The following ZZEF1 variants were observed in gnomAD, a reference collection of about 807,000 sequenced individuals.
The protein encoded by ZZEF1 is zinc finger ZZ-type and EF-hand domain containing 1.
A neutral mutation model predicts 342.8 loss-of-function variants in ZZEF1; 157 were observed. The observed-to-expected ratio is 0.46, with a 90% CI of 0.40 to 0.52. The LOEUF is 0.52. ZZEF1 is among the 20% of genes least tolerant of loss of function. The probability of loss-of-function intolerance (pLI) is 0.00; values close to 1 mark genes in which losing one functional copy is unlikely to be tolerated. For synonymous variants in ZZEF1, 1,505 were observed against 1,429.1 expected, an observed-to-expected ratio of 1.05 and a Z score of -1.20; for missense variants, 3,480 against 3,725.6, an observed-to-expected ratio of 0.93 and a Z score of 1.72.
At chr17:4,068,341 G>A (rs896895275) in intron 26 of ZZEF1, among the ~76,000 whole-genome samples, 3 of 152,042 alleles carry the variant, frequency 2.0e-5, no homozygotes, top group African/African-American at 4.8e-5. Context: ...GCAATGGCGC[G>A]ATCTTGGCTC....
At chr17:4,066,315 T>G (rs886979842) in intron 28 of ZZEF1, 132 bp downstream of exon 28, 1 of 749,258 alleles carries the variant, frequency 1.3e-6, no homozygotes, top group African/African-American at 1.7e-5. Flanking sequence ...ATACTATATT[T>G]AGCATCTGTG....
chr17:4,017,253 T>A lies in ZZEF1; in HGVS notation c.8001+118A>T. 2 of 1,405,752 alleles carry A rather than the reference T, an allele frequency of 1.4e-6. No homozygotes were observed. Among genetic ancestry groups the A allele is most frequent in the Non-Finnish European group, 1.9e-6 (2 of 1,046,984 alleles). 87.1% of individuals were successfully genotyped at this position (1,405,752 alleles called of 1,614,324 possible). ...ACCCTACCTTTGCTGCATTCACACC[T>A]GTCAGGGAGCTGCACAGCCACACAG... On this transcript the variant is annotated intron_variant, in intron 48 of 54. Transcript: ENST00000381638. The surrounding 1 kb of genome is among the most constrained non-coding windows in gnomAD (Gnocchi z 5.1).
chr17:4,096,690 C>T lies in ZZEF1; in HGVS notation c.1683G>A (p.Thr561=), dbSNP rs1306758309. 3.7e-6 allele frequency: 6 copies of T among 1,613,562 alleles called. No individual in the cohort carries two copies. Among genetic ancestry groups the T allele is most frequent in the African/African-American group, 1.3e-5 (1 of 74,850 alleles). ...TGCTGGCTCTGGTTTTTCCAGTTTCCGTAAGAAAACCTGAAAAAAGGGAAA... is the reference window on the plus strand; with the variant it reads ...TGCTGGCTCTGGTTTTTCCAGTTTCTGTAAGAAAACCTGAAAAAAGGGAAA... ...VEPWTRDGFL[T]ETGKTRASTI... The change falls in exon 10 of 55, where the codon ACG becomes ACA. Residue 561 remains threonine, a synonymous_variant. Transcript: ENST00000381638.
At chr17:4,081,312 ACT>A (rs2057719176) in intron 18 of ZZEF1, 62 bp downstream of exon 18, 3 of 1,306,402 alleles carry the variant, frequency 2.3e-6, no homozygotes, top group Non-Finnish European at 3.3e-6. Context: ...GGCACAAGAG[ACT>A]GCCACATCAC....
chr17:4,040,645 C>T (rs1274625723), intron 39 of ZZEF1, among the ~76,000 whole-genome samples: 1 of 152,112 alleles, frequency 6.6e-6, no homozygotes, highest in East Asian at 1.9e-4. Context: ...ATGACACAGA[C>T]TTCATGAATG....
intron 33 of ZZEF1, among the ~76,000 whole-genome samples, chr17:4,055,284 G>A (rs754408402): frequency 1.8e-4 from 27 of 152,156 alleles, no homozygotes; most frequent in South Asian, 8.3e-4. Flanking sequence ...AAGCCACAAA[G>A]GCCCACTTGG....
intron 17 of ZZEF1, among the ~76,000 whole-genome samples, 191 bp from the exon 18 acceptor site, chr17:4,081,681 T>G (rs566896754): frequency 1.3e-5 from 2 of 152,308 alleles, no homozygotes; most frequent in East Asian, 3.9e-4. Context: ...GTGCTTCCAT[T>G]AGCACAGACT....
In ZZEF1 at chr17:4,142,404, G is replaced by A. The variant is rs369898882; in HGVS notation, c.354+138C>T. 1.2e-3 allele frequency: 1,091 copies of A among 914,570 alleles called. 18 individuals are homozygous for A. The South Asian group carries it at 0.017, about 14-fold the overall frequency. The allele number at this position is 914,570 out of a possible 1,614,324, so 56.7% of individuals were successfully genotyped here. ...CTAACATAGGTTAAAGAGAAACGAA[G>A]CAAACGCCTGGTGAAAAGCTGGAAA... On this transcript the variant is annotated intron_variant, in intron 1 of 54. Transcript: ENST00000381638.
intron 11 of ZZEF1, among the ~76,000 whole-genome samples, chr17:4,094,034 TGA>T (rs2057991699): frequency 6.6e-6 from 1 of 152,228 alleles, no homozygotes; most frequent in Admixed American, 6.5e-5. Context: ...CTTGTCTGGC[TGA>T]GTTTTCCTTG....
At chr17:4,084,218 T>A (rs7208695) in intron 16 of ZZEF1, among the ~76,000 whole-genome samples, 6 of 152,166 alleles carry the variant, frequency 3.9e-5, no homozygotes, top group Admixed American at 2.6e-4. Flanking sequence ...CTATTTTGAG[T>A]TTGCTAATGA....
At position 4,021,246 on chromosome 17, in the gene ZZEF1, A is replaced by T; in HGVS notation, c.7287T>A (p.Asp2429Glu). 1 of 1,614,140 alleles carries T rather than the reference A, an allele frequency of 6.2e-7. No individual in the cohort carries two copies. The highest frequency in any genetic ancestry group is 8.5e-7 in the Non-Finnish European group (1 of 1,180,020). Residue 2429 changes from aspartate (D) to glutamate (E), a missense_variant, in exon 45 of 55, where the codon GAT (aspartate) becomes GAA (glutamate). Transcript: ENST00000381638. ...CCTCTTCCTCTCGGTCCCCTCGCTC[A>T]TCCAGCTCTAGGTCTCCGTGCTCAG... ...ALAEHGDLEL[D>E]ERGDREEEVE...
intron 6 of ZZEF1, among the ~76,000 whole-genome samples, 163 bp from the exon 7 acceptor site, chr17:4,105,972 C>A (rs1012394714): frequency 6.6e-6 from 1 of 152,048 alleles, no homozygotes; most frequent in Non-Finnish European, 1.5e-5. Context: ...TTTTTTGAGA[C>A]GGAGTCTCGC....
At chr17:4,114,865 A>G (rs1040281503) in intron 3 of ZZEF1, among the ~76,000 whole-genome samples, 15 of 152,204 alleles carry the variant, frequency 9.9e-5, no homozygotes, top group African/African-American at 3.4e-4. Flanking sequence ...AATGAGTGAC[A>G]CTTTTTAAGC....
chr17:4,107,989 C>T (rs1342864786), intron 6 of ZZEF1, among the ~76,000 whole-genome samples: 1 of 152,176 alleles, frequency 6.6e-6, no homozygotes, highest in East Asian at 1.9e-4. Context: ...GGGTTGCCAC[C>T]AGCCAACTCC....
chr17:4,034,774 G>A (rs957270420), intron 39 of ZZEF1, among the ~76,000 whole-genome samples: 4 of 152,110 alleles, frequency 2.6e-5, no homozygotes, highest in Non-Finnish European at 4.4e-5. Flanking sequence ...AGGCGGGAGA[G>A]TCACTCAAGC....
At chr17:4,084,005 T>A (rs1373657492) in intron 16 of ZZEF1, among the ~76,000 whole-genome samples, 1 of 152,258 alleles carries the variant, frequency 6.6e-6, no homozygotes, top group East Asian at 1.9e-4. Flanking sequence ...AATAAATATT[T>A]GTTTTATTCT....
At position 4,050,918 on chromosome 17, in the gene ZZEF1, T is replaced by C. The variant is rs780059970; in HGVS notation, c.5726A>G (p.Tyr1909Cys). ...SWLLFAALAL[Y>C]SAHLASAEDV... The stretch of plus-strand genomic sequence containing the variant: ...CTCTGCACTGGCCAGGTGGGCGCTA[T>C]AGAGAGCCAGGGCAGCAAAGAGCAG... Residue 1909 changes from tyrosine (Y) to cysteine (C), a missense_variant, in exon 36 of 55, where the codon TAT becomes TGT. Physicochemically the swap from Tyr to Cys is radical, Grantham distance 194. This residue lies in a region of ZZEF1 where 1,269 missense variants were observed against 1,342.4 expected (regional missense o/e 0.95). Coordinates refer to ENST00000381638, the MANE Select transcript of ZZEF1 (RefSeq NM_015113.4). 13 of 1,614,160 alleles carry C rather than the reference T, an allele frequency of 8.1e-6. No individual in the cohort carries two copies. The highest frequency in any genetic ancestry group is 3.3e-5 in the Admixed American group (2 of 60,018).
Position 4,131,723 on chromosome 17 carries a change from G to A in ZZEF1, c.355-7672C>T, listed in dbSNP as rs189871226. 9.9e-5 allele frequency among the ~76,000 whole-genome samples: 15 copies of A among 152,128 alleles called. No individual in the cohort carries two copies. The East Asian group carries it at 2.9e-3, about 29-fold the overall frequency. On this transcript the variant is annotated intron_variant, in intron 1 of 54. Transcript: ENST00000381638. ...TGAGCCTAGGGGGTCGAGGTGCAGT[G>A]AGCCAAGATTGCACCACTGTACTCC...
intron 28 of ZZEF1, 55 bp from the exon 29 acceptor site, chr17:4,064,884 AG>A: frequency 1.1e-6 from 1 of 941,378 alleles, no homozygotes; most frequent in Non-Finnish European, 1.6e-6. Context: ...ATTATGGGGG[AG>A]GGGGAGGGGA....
Sources: allele counts gnomAD v4.1 joint callset (sites outside exome capture counted in the v4.1 genomes callset), GRCh38; gene constraint gnomAD v4.1.1; regional missense constraint gnomAD v4.1.1; non-coding constraint Gnocchi (gnomAD v3.1); transcripts MANE v1.5; gene names NCBI Gene and HGNC (gene_info 2026-07-23, HGNC 2026-07-21).